MAST4: variants seen among roughly 807,000 people sequenced by gnomAD.
MAST4 encodes microtubule-associated serine/threonine-protein kinase 4.
MAST4 carries 89 observed loss-of-function variants against 162.7 expected under a neutral mutation model. The ratio of observed to expected loss-of-function variants is 0.55; its 90% CI spans 0.46 to 0.65. The LOEUF (loss-of-function observed/expected upper bound fraction) is 0.65, where lower values mean the gene tolerates loss of function less well. MAST4 is among the 30% of genes least tolerant of loss of function. MAST4 has a pLI of 0.00. For synonymous variants in MAST4, 1,479 were observed against 1,361.1 expected (o/e 1.09, Z -1.91); for missense variants, 3,153 against 3,374.0 (o/e 0.93, Z 1.62).
intron 1 of MAST4, among the ~76,000 whole-genome samples, chr5:66,703,848 T>G (rs920018106): frequency 6.6e-6 from 1 of 152,160 alleles, no homozygotes; most frequent in Non-Finnish European, 1.5e-5. Flanking sequence ...AATCAGAAAA[T>G]GTGAGCTGCC....
chr5:66,663,244 A>G (rs892210219), intron 1 of MAST4, among the ~76,000 whole-genome samples: 1 of 152,126 alleles, frequency 6.6e-6, no homozygotes, highest in Non-Finnish European at 1.5e-5. Flanking sequence ...TAGTATCTTA[A>G]TCACCAACTC....
intron 5 of MAST4, among the ~76,000 whole-genome samples, chr5:67,055,375 T>A (rs1649420597): frequency 6.6e-6 from 1 of 152,186 alleles, no homozygotes; most frequent in Non-Finnish European, 1.5e-5. Context: ...TAGCCCTACT[T>A]CACTGTACTC....
At chr5:66,946,507 TG>T (rs1489659824) in intron 4 of MAST4, among the ~76,000 whole-genome samples, 1 of 152,212 alleles carries the variant, frequency 6.6e-6, no homozygotes, top group Non-Finnish European at 1.5e-5. Context: ...AATGTATTGC[TG>T]ACAGCCTTCA....
In MAST4 at chr5:66,861,653, A is replaced by G. The variant is rs540350341; in HGVS notation, c.643-38298A>G. On this transcript the variant is annotated intron_variant, in intron 3 of 28. Coordinates refer to ENST00000403625, the MANE Select transcript of MAST4 (RefSeq NM_001164664.2). ...CATTCTCCTGGTAAAAGTAGGTGTT[A>G]AAGAGTACAGAATGACATTATGGCA... 3.3e-5 allele frequency among the ~76,000 whole-genome samples: 5 copies of G among 152,366 alleles called. 1 individual carries two copies. In the South Asian group the frequency reaches 1.0e-3, roughly 32 times the overall value.
At chr5:66,979,136 C>G (rs1323574046) in intron 4 of MAST4, among the ~76,000 whole-genome samples, 2 of 152,162 alleles carry the variant, frequency 1.3e-5, no homozygotes, top group Non-Finnish European at 2.9e-5. Flanking sequence ...AACAGTTTCA[C>G]TTTTAGCTAT....
intron 2 of MAST4, among the ~76,000 whole-genome samples, chr5:66,775,810 G>T (rs1422853153): frequency 6.6e-6 from 1 of 152,150 alleles, no homozygotes; most frequent in African/African-American, 2.4e-5. Context: ...ATGGCCATTT[G>T]GAGGCGCTGG....
At chr5:67,082,075 C>T (rs1218818772) in intron 5 of MAST4, among the ~76,000 whole-genome samples, 1 of 152,004 alleles carries the variant, frequency 6.6e-6, no homozygotes, top group Admixed American at 6.6e-5. Flanking sequence ...AATTTCATAA[C>T]CTGAATCTAG....
At chr5:66,674,096 G>T (rs1052172842) in intron 1 of MAST4, among the ~76,000 whole-genome samples, 1 of 152,134 alleles carries the variant, frequency 6.6e-6, no homozygotes, top group Non-Finnish European at 1.5e-5. Context: ...ACAAAAATGT[G>T]GCTAATCATT....
chr5:66,944,040 A>G (rs1482417573), intron 4 of MAST4, among the ~76,000 whole-genome samples: 2 of 152,080 alleles, frequency 1.3e-5, no homozygotes, highest in African/African-American at 4.8e-5. Flanking sequence ...GATTTGTTAG[A>G]GTTGACGTGT....
intron 3 of MAST4, among the ~76,000 whole-genome samples, chr5:66,844,283 G>A (rs1200457409): frequency 2.0e-5 from 3 of 151,602 alleles, no homozygotes; most frequent in Non-Finnish European, 4.4e-5. Context: ...GGACTCCTAT[G>A]ACCTTTTCAG....
intron 1 of MAST4, among the ~76,000 whole-genome samples, chr5:66,757,015 G>GT (rs905161076): frequency 1.6e-3 from 236 of 151,938 alleles, no homozygotes; most frequent in African/African-American, 5.1e-3. Flanking sequence ...GATGAATTAG[G>GT]TTTTTTTTCT....
chr5:67,155,878 G>A (rs559472962), intron 26 of MAST4, among the ~76,000 whole-genome samples: 2 of 152,150 alleles, frequency 1.3e-5, no homozygotes, highest in African/African-American at 4.8e-5. Context: ...TGGCCAAGAT[G>A]GCGAAACCCC....
chr5:66,887,294 A>G (rs916875628), intron 3 of MAST4, among the ~76,000 whole-genome samples: 1 of 152,176 alleles, frequency 6.6e-6, no homozygotes, highest in African/African-American at 2.4e-5. Flanking sequence ...ATTTAAGAAC[A>G]TTTGTTCATT....
intron 3 of MAST4, among the ~76,000 whole-genome samples, chr5:66,894,367 CT>C (rs1249706613): frequency 1.3e-5 from 2 of 152,120 alleles, no homozygotes; most frequent in Non-Finnish European, 2.9e-5. Context: ...TATCTCATTC[CT>C]TTTTATTTTC....
intron 4 of MAST4, chr5:67,005,153 T>C: frequency 1.4e-6 from 1 of 718,804 alleles, no homozygotes; most frequent in Non-Finnish European, 2.6e-6. Context: ...CAGGCGGAGC[T>C]GCCTGAGCCC....
intron 1 of MAST4, among the ~76,000 whole-genome samples, chr5:66,719,211 T>G (rs1306126536): frequency 6.6e-6 from 1 of 152,232 alleles, no homozygotes; most frequent in Non-Finnish European, 1.5e-5. Flanking sequence ...CTTGGGTACC[T>G]CCTCTTGTTT....
At chr5:67,087,368 C>T (rs984741151) in intron 5 of MAST4, among the ~76,000 whole-genome samples, 2 of 152,196 alleles carry the variant, frequency 1.3e-5, no homozygotes, top group Non-Finnish European at 2.9e-5. Context: ...CCTGGCCACC[C>T]ATACCAATTA....
intron 1 of MAST4, among the ~76,000 whole-genome samples, chr5:66,751,312 C>T (rs1753151595): frequency 6.6e-6 from 1 of 152,194 alleles, no homozygotes; most frequent in Admixed American, 6.5e-5. Context: ...CTTTGACGAG[C>T]TGAGAGAAGA....
intron 4 of MAST4, among the ~76,000 whole-genome samples, chr5:66,965,531 G>A (rs913090239): frequency 1.5e-5 from 2 of 136,522 alleles, no homozygotes; most frequent in Middle Eastern, 4.3e-3. Flanking sequence ...AACTGGTTGC[G>A]TTTGAGCTGG....
Sources: gnomAD v4.1 joint callset for allele counts (sites outside exome capture counted in the v4.1 genomes callset) on GRCh38, gnomAD v4.1.1 for gene constraint, MANE v1.5 for transcripts, NCBI Gene and HGNC (gene_info 2026-07-23, HGNC 2026-07-21) for gene names.